Variants in CACNA1D observed in about 807,000 individuals in gnomAD.
CACNA1D encodes the protein voltage-dependent L-type calcium channel subunit alpha-1D.
CACNA1D carries 55 observed loss-of-function variants against 257.1 expected under a neutral mutation model. The ratio of observed to expected loss-of-function variants is 0.21; its 90% confidence interval spans 0.17 to 0.27. The LOEUF (loss-of-function observed/expected upper bound fraction) is 0.27. Among genes scored for constraint, CACNA1D ranks in the 10% least tolerant of loss-of-function variants. The pLI, the probability that CACNA1D is intolerant of heterozygous loss-of-function variation, is 1.00. For missense variants in CACNA1D, 1,876 were observed against 2,784.0 expected (o/e 0.67, Z 7.34); for synonymous variants, 980 against 1,014.9 (o/e 0.97, Z 0.65).
At chr3:53,766,129 G>A (rs1284788196) in intron 30 of CACNA1D, 1 of 152,248 alleles carries the variant, frequency 6.6e-6, no homozygotes, top group Non-Finnish European at 1.5e-5. Flanking sequence ...CTTTGAAGGA[G>A]CAGGTAAAAA....
chr3:53,566,798 T>G (rs560803069), intron 3 of CACNA1D, among the ~76,000 whole-genome samples: 20 of 152,302 alleles, frequency 1.3e-4, no homozygotes, highest in African/African-American at 4.8e-4. Flanking sequence ...TTGCACCATT[T>G]AGGCAGCTCT....
At chr3:53,687,103 A>G (rs567061508) in intron 8 of CACNA1D, among the ~76,000 whole-genome samples, 5 of 152,178 alleles carry the variant, frequency 3.3e-5, no homozygotes, top group Admixed American at 6.5e-5. Flanking sequence ...CTACACTGAA[A>G]ACTACAAAAC....
intron 18 of CACNA1D, 132 bp downstream of exon 18, chr3:53,732,214 G>A: frequency 1.4e-6 from 1 of 734,048 alleles, no homozygotes; most frequent in Non-Finnish European, 2.5e-6. Flanking sequence ...AAGGCCGTGG[G>A]ACCAGTTAGC....
At chr3:53,641,236 C>G (rs1388147855) in intron 3 of CACNA1D, among the ~76,000 whole-genome samples, 2 of 152,022 alleles carry the variant, frequency 1.3e-5, no homozygotes, top group Non-Finnish European at 2.9e-5. Flanking sequence ...CTCGGGGATG[C>G]CAGATGGAGG....
chr3:53,756,334 C>T (rs1276998753), intron 29 of CACNA1D, among the ~76,000 whole-genome samples: 1 of 152,100 alleles, frequency 6.6e-6, no homozygotes, highest in East Asian at 1.9e-4. Flanking sequence ...ATGAGATGAC[C>T]CAGCCTCTGC....
intron 21 of CACNA1D, among the ~76,000 whole-genome samples, chr3:53,742,569 G>T (rs1008342360): frequency 1.3e-5 from 2 of 152,216 alleles, no homozygotes; most frequent in African/African-American, 4.8e-5. Context: ...GAGCCTGGGA[G>T]CCCTGAATTC....
In CACNA1D at chr3:53,667,733, C is replaced by G. The variant is rs1016966373; in HGVS notation, c.1116+1198C>G. Among the ~76,000 whole-genome samples, 11 of 152,088 alleles carry G rather than the reference C, an allele frequency of 7.2e-5. No homozygotes were observed. The South Asian group carries it at 1.5e-3, about 20-fold the overall frequency. ...TTTATCTTTAATCCCCAAAGTCAGTCTAGTTTGATCAGGTTTAAGCATCAC... is the reference window on the plus strand; with the variant it reads ...TTTATCTTTAATCCCCAAAGTCAGTGTAGTTTGATCAGGTTTAAGCATCAC... On this transcript the variant is annotated intron_variant, in intron 7 of 47. Transcript: ENST00000350061.
chr3:53,788,583 T>C (rs192669807), intron 40 of CACNA1D, among the ~76,000 whole-genome samples: 1 of 152,258 alleles, frequency 6.6e-6, no homozygotes, highest in Non-Finnish European at 1.5e-5. Flanking sequence ...CGTGGCCAGG[T>C]TGGGTGCCAG....
intron 14 of CACNA1D, 96 bp downstream of exon 14, chr3:53,724,095 C>T (rs548383686): frequency 2.9e-6 from 3 of 1,030,414 alleles, no homozygotes; most frequent in Middle Eastern, 2.0e-4. Flanking sequence ...GACAAAAGGA[C>T]TCCATTTTTG....
At chr3:53,761,819 C>T (rs2095304508) in intron 29 of CACNA1D, among the ~76,000 whole-genome samples, 179 bp from the exon 30 acceptor site, 1 of 152,158 alleles carries the variant, frequency 6.6e-6, no homozygotes, top group South Asian at 2.1e-4. Flanking sequence ...CATAAAGGTG[C>T]ACAACCACCC....
At chr3:53,539,226 C>T (rs776333864) in intron 3 of CACNA1D, among the ~76,000 whole-genome samples, 10 of 152,106 alleles carry the variant, frequency 6.6e-5, no homozygotes, top group Non-Finnish European at 1.3e-4. Flanking sequence ...TCTTCTGCCT[C>T]AGCCTCCCTA....
rs370179578 is a variant in CACNA1D at position 53,810,197 on chromosome 3, A to G, written c.6091A>G (p.Ile2031Val). 4 of 1,613,836 alleles carry G rather than the reference A, an allele frequency of 2.5e-6. No individual in the cohort carries two copies. The African/African-American group carries it at 5.3e-5, about 22-fold the overall frequency. Reference protein sequence around the residue: ...RSSWYTDEPDISYRTFTPASL... With the variant: ...RSSWYTDEPDVSYRTFTPASL... ...CTCCTGGTACACAGACGAGCCCGAC[A>G]TCTCCTACCGGACTTTCACACCAGC... The change falls in exon 47 of 48, where the codon ATC becomes GTC. Residue 2031 changes from isoleucine to valine, a missense_variant. By Grantham distance (29) the Ile-to-Val change is conservative (BLOSUM62 3). This residue lies in a region of CACNA1D where 491 missense variants were observed against 554.3 expected (regional missense o/e 0.89). Transcript: ENST00000350061.
chr3:53,708,759 G>GAAAAA (rs1264196796), intron 9 of CACNA1D, among the ~76,000 whole-genome samples: 1 of 152,170 alleles, frequency 6.6e-6, no homozygotes, highest in Non-Finnish European at 1.5e-5. Flanking sequence ...AGTATATAAA[G>GAAAAA]TAAGAAAAAA....
chr3:53,505,515 G>A (rs1251755105), intron 3 of CACNA1D, among the ~76,000 whole-genome samples: 1 of 152,196 alleles, frequency 6.6e-6, no homozygotes, highest in Non-Finnish European at 1.5e-5. Context: ...TACAGTAGAT[G>A]TTCAGTAAAT....
chr3:53,809,997 T>G lies in CACNA1D; in HGVS notation c.5891T>G (p.Leu1964Arg). The G allele has an allele frequency of 6.2e-7, 1 of 1,614,000 alleles. No homozygotes were observed. ...CCTCAGATCATGGCAGTTGCCGGCC[T>G]AGATTCAAGTAAAGCCCAGAAGTAC... ...MQQQIMAVAG[L>R]DSSKAQKYSP... Residue 1964 changes from leucine (L) to arginine (R), a missense_variant, in exon 47 of 48, where the codon CTA becomes CGA. By Grantham distance (102) the Leu-to-Arg change is moderately radical. Coordinates refer to ENST00000350061, the MANE Select transcript of CACNA1D (RefSeq NM_001128840.3).
intron 44 of CACNA1D, among the ~76,000 whole-genome samples, chr3:53,803,872 C>G (rs2106814156): frequency 6.6e-6 from 1 of 152,314 alleles, no homozygotes; most frequent in East Asian, 1.9e-4. Flanking sequence ...GCCTTTCCAC[C>G]ACCCGTCTTT....
At chr3:53,663,692 C>G (rs988922189) in intron 5 of CACNA1D, among the ~76,000 whole-genome samples, 1 of 152,296 alleles carries the variant, frequency 6.6e-6, no homozygotes, top group Admixed American at 6.5e-5. Flanking sequence ...AGTAATGGGT[C>G]TGAGTCTGAG....
intron 3 of CACNA1D, among the ~76,000 whole-genome samples, chr3:53,551,335 C>T (rs1004471328): frequency 1.3e-5 from 2 of 152,210 alleles, no homozygotes; most frequent in African/African-American, 2.4e-5. Flanking sequence ...CCGGCTTGCC[C>T]TCCACCCAGA....
chr3:53,759,080 T>C lies in CACNA1D; in HGVS notation c.3787-2918T>C, dbSNP rs572168529. Among the ~76,000 whole-genome samples the C allele has an allele frequency of 1.8e-4, 28 of 152,328 alleles. No homozygotes were observed. In the East Asian group the frequency reaches 5.4e-3, roughly 29 times the overall value. Reference sequence around the variant, plus strand: ...CCTGTGATTTCAGCCACCTGCCTTCTGCTTCCTAGATTAAGGGTGTCAACC... The same window carrying C: ...CCTGTGATTTCAGCCACCTGCCTTCCGCTTCCTAGATTAAGGGTGTCAACC... On this transcript the variant is annotated intron_variant, in intron 29 of 47. Transcript: ENST00000350061.
Sources: gnomAD v4.1 joint callset for allele counts (sites outside exome capture counted in the v4.1 genomes callset) on GRCh38, gnomAD v4.1.1 for gene constraint, gnomAD v4.1.1 regional missense constraint, MANE v1.5 for transcripts, NCBI Gene and HGNC (gene_info 2026-07-23, HGNC 2026-07-21) for gene names.